TNR: variants seen among roughly 807,000 people sequenced by gnomAD.
TNR encodes the protein tenascin R.
TNR carries 45 observed loss-of-function variants against 150.4 expected under a neutral mutation model. That is an observed-to-expected ratio of 0.30 (90% CI 0.24 to 0.38). The LOEUF is 0.38. Among genes scored for constraint, TNR ranks in the 10% least tolerant of loss-of-function variants. The pLI is 1.00. For synonymous variants in TNR, 687 were observed against 678.4 expected (o/e 1.01, Z -0.20); for missense variants, 1,544 against 1,759.1 (o/e 0.88, Z 2.19).
At chr1:175,469,166 G>A (rs550333209) in intron 2 of TNR, among the ~76,000 whole-genome samples, 132 of 152,232 alleles carry the variant, frequency 8.7e-4, no homozygotes, top group African/African-American at 3.1e-3. Context: ...GCTGGTTGGA[G>A]ATGATCAGAG....
At chr1:175,452,442 G>C (rs553868021) in intron 2 of TNR, among the ~76,000 whole-genome samples, 1 of 152,234 alleles carries the variant, frequency 6.6e-6, no homozygotes, top group African/African-American at 2.4e-5. Flanking sequence ...CCAGGTGGAC[G>C]GGGGGACGGC....
chr1:175,582,979 C>T (rs1452786207), intron 1 of TNR, among the ~76,000 whole-genome samples: 5 of 152,072 alleles, frequency 3.3e-5, no homozygotes, highest in African/African-American at 1.2e-4. Flanking sequence ...AAAGCCCCCC[C>T]AACCCCCGAG....
intron 2 of TNR, among the ~76,000 whole-genome samples, chr1:175,437,343 C>G (rs535983992): frequency 6.6e-6 from 1 of 152,016 alleles, no homozygotes; most frequent in Non-Finnish European, 1.5e-5. Context: ...AACAAAGACA[C>G]AACTTACCAG....
In TNR at chr1:175,320,116, G is replaced by C. The variant is rs1294299741; in HGVS notation, c.*3241C>G. On this transcript the variant is annotated 3_prime_UTR_variant, in exon 23 of 23. Transcript: ENST00000367674. ...ATCCTGATGTGTCTGTAGTTAAACA[G>C]CCTCTGAGAAGGGTCTACCTCGATT... The C allele has an allele frequency of 6.6e-6, 1 of 152,308 alleles. No homozygotes were observed. Among genetic ancestry groups the C allele is most frequent in the African/African-American group, 2.4e-5 (1 of 41,446 alleles). 9.4% of individuals were successfully genotyped at this position (152,308 alleles called of 1,614,324 possible).
intron 1 of TNR, among the ~76,000 whole-genome samples, chr1:175,588,250 T>C (rs1255378355): frequency 6.6e-6 from 1 of 152,238 alleles, no homozygotes; most frequent in Admixed American, 6.5e-5. Flanking sequence ...TAATGGCCTA[T>C]CTCAAAACTT....
intron 1 of TNR, among the ~76,000 whole-genome samples, chr1:175,723,436 G>T (rs183832467): frequency 9.6e-4 from 146 of 152,290 alleles, no homozygotes; most frequent in African/African-American, 3.1e-3. Context: ...CAGGGACTGG[G>T]CAGGACTCTG....
intron 1 of TNR, among the ~76,000 whole-genome samples, chr1:175,609,659 C>T (rs533874538): frequency 6.6e-6 from 1 of 152,294 alleles, no homozygotes; most frequent in African/African-American, 2.4e-5. Context: ...CCATGAGACC[C>T]TGGGGACCCA....
intron 2 of TNR, among the ~76,000 whole-genome samples, chr1:175,426,766 G>A (rs573226286): frequency 1.1e-5 from 1 of 87,468 alleles, no homozygotes; most frequent in Non-Finnish European, 2.6e-5. Flanking sequence ...GCGTGTGTGT[G>A]TATAAATATA....
intron 1 of TNR, among the ~76,000 whole-genome samples, chr1:175,649,483 G>A (rs10913047): frequency 1 from 152,006 of 152,274 alleles, 75,869 homozygotes; most frequent in Middle Eastern, 1. Context: ...TCAAAATGCC[G>A]TCATCTCCTT....
chr1:175,729,295 G>A (rs1667565149), intron 1 of TNR, among the ~76,000 whole-genome samples: 2 of 152,128 alleles, frequency 1.3e-5, no homozygotes, highest in Admixed American at 1.3e-4. Context: ...TGGCATGGGA[G>A]CCTCCCAGCC....
At chr1:175,497,010 A>G (rs1658515864) in intron 2 of TNR, among the ~76,000 whole-genome samples, 1 of 152,204 alleles carries the variant, frequency 6.6e-6, no homozygotes, top group Non-Finnish European at 1.5e-5. Flanking sequence ...CAAGGGTGTT[A>G]GAGAGGAGAT....
At chr1:175,472,847 C>T (rs1402069554) in intron 2 of TNR, among the ~76,000 whole-genome samples, 3 of 152,150 alleles carry the variant, frequency 2.0e-5, no homozygotes, top group Non-Finnish European at 4.4e-5. Flanking sequence ...ATGAATCAGG[C>T]CTCACACCTG....
At chr1:175,369,642 G>T (rs1190138791) in intron 9 of TNR, among the ~76,000 whole-genome samples, 1 of 146,084 alleles carries the variant, frequency 6.8e-6, no homozygotes, top group Admixed American at 7.1e-5. Flanking sequence ...GTGGCACGGA[G>T]TAAGTCTGTG....
intron 2 of TNR, among the ~76,000 whole-genome samples, chr1:175,514,637 A>G (rs1044934942): frequency 1.3e-5 from 2 of 152,188 alleles, no homozygotes; most frequent in African/African-American, 2.4e-5. Context: ...TTGATGAAAA[A>G]GTCTACAGTT....
At chr1:175,728,917 T>C (rs928878228) in intron 1 of TNR, among the ~76,000 whole-genome samples, 1 of 152,176 alleles carries the variant, frequency 6.6e-6, no homozygotes, top group East Asian at 1.9e-4. Context: ...AAATGCTTGT[T>C]ATTTACCCAA....
chr1:175,619,004 G>A (rs1663871413), intron 1 of TNR, among the ~76,000 whole-genome samples: 1 of 152,152 alleles, frequency 6.6e-6, no homozygotes, highest in Admixed American at 6.5e-5. Flanking sequence ...TCATTGCCCA[G>A]GTGGGTGAAG....
At chr1:175,534,184 C>T (rs1229423228) in intron 1 of TNR, among the ~76,000 whole-genome samples, 1 of 152,186 alleles carries the variant, frequency 6.6e-6, no homozygotes, top group Non-Finnish European at 1.5e-5. Flanking sequence ...CTGGCCATGC[C>T]TGGAGGACTC....
chr1:175,364,918 CTTGGGTCTTTCTCTTTTAA>C, intron 12 of TNR, 73 bp downstream of exon 12: 1 of 1,464,964 alleles, frequency 6.8e-7, no homozygotes, highest in Admixed American at 2.2e-5. Context: ...TCCCCTACTC[CTTGGGTCTTTCTCTTTTAA>C]AATTTCATTG....
intron 6 of TNR, among the ~76,000 whole-genome samples, chr1:175,393,441 C>T (rs1308197828): frequency 6.6e-6 from 1 of 152,100 alleles, no homozygotes; most frequent in Non-Finnish European, 1.5e-5. Flanking sequence ...AAAGAGAAGC[C>T]TCAATTTTTT....
Sources: allele counts gnomAD v4.1 joint callset (sites outside exome capture counted in the v4.1 genomes callset), GRCh38; gene constraint gnomAD v4.1.1; transcripts MANE v1.5; gene names NCBI Gene and HGNC (gene_info 2026-07-23, HGNC 2026-07-21).